CABLES1: variants seen among roughly 807,000 people sequenced by gnomAD.
CABLES1 encodes the protein CDK5 and ABL1 enzyme substrate 1.
In CABLES1, 36 loss-of-function variants were observed where a neutral mutation model predicts 57.8. The observed-to-expected ratio is 0.62, with a 90% CI of 0.48 to 0.82. The LOEUF (loss-of-function observed/expected upper bound fraction) is 0.82, where lower values mean the gene tolerates loss of function less well. Ranked by LOEUF, CABLES1 falls within the 40% of genes least tolerant of loss-of-function variation. The pLI is 0.00. For synonymous variants in CABLES1, 374 were observed against 363.0 expected (o/e 1.03, Z -0.35); for missense variants, 767 against 836.6 (o/e 0.92, Z 1.03).
intron 7 of CABLES1, among the ~76,000 whole-genome samples, chr18:23,239,625 T>TG (rs2047685959): frequency 6.6e-6 from 1 of 152,182 alleles, no homozygotes; most frequent in Admixed American, 6.5e-5. Flanking sequence ...TTTTGTGTGT[T>TG]GGGGAACAGG....
intron 4 of CABLES1, among the ~76,000 whole-genome samples, chr18:23,225,187 CT>C (rs1325630125): frequency 6.6e-6 from 1 of 152,186 alleles, no homozygotes; most frequent in Non-Finnish European, 1.5e-5. Context: ...TATTATGTTG[CT>C]CTTTCTAGAT....
In CABLES1 at chr18:23,174,681, C is replaced by T. The variant is rs183149716; in HGVS notation, c.846-14157C>T. 4.2e-4 allele frequency among the ~76,000 whole-genome samples: 64 copies of T among 151,652 alleles called. 1 individual carries two copies. In the East Asian group the frequency reaches 0.011, roughly 27 times the overall value. ...TAGAGACAGGATTTCACCATGTTAG[C>T]CAGGATGGTGTCGATCTCCTGACCT... On this transcript the variant is annotated intron_variant, in intron 1 of 9. Coordinates refer to ENST00000256925, the MANE Select transcript of CABLES1 (RefSeq NM_001100619.3).
intron 7 of CABLES1, among the ~76,000 whole-genome samples, chr18:23,241,569 G>A (rs149330092): frequency 6.6e-6 from 1 of 152,298 alleles, no homozygotes; most frequent in African/African-American, 2.4e-5. Flanking sequence ...ATAAGATGTA[G>A]TACAGTTTGT....
At chr18:23,196,687 G>A (rs11082321) in intron 3 of CABLES1, among the ~76,000 whole-genome samples, 21,245 of 152,186 alleles carry the variant, frequency 0.14, 2,123 homozygotes, top group Admixed American at 0.27. Flanking sequence ...TCTGGTCATG[G>A]TCTCAGAGGG....
In CABLES1 at chr18:23,180,224, A is replaced by C. The variant is rs183593312; in HGVS notation, c.846-8614A>C. The stretch of plus-strand genomic sequence containing the variant: ...GCATGAGCCACCGCGCCTGGCCAAC[A>C]GTTTGTTTTTTTTAAGTGAGCGCAG... On this transcript the variant is annotated intron_variant, in intron 1 of 9. Coordinates refer to ENST00000256925, the MANE Select transcript of CABLES1 (RefSeq NM_001100619.3). 3.9e-5 allele frequency among the ~76,000 whole-genome samples: 6 copies of C among 152,212 alleles called. No individual in the cohort carries two copies. In the East Asian group the frequency reaches 1.2e-3, roughly 29 times the overall value.
At chr18:23,167,723 G>T (rs1448264837) in intron 1 of CABLES1, among the ~76,000 whole-genome samples, 1 of 142,748 alleles carries the variant, frequency 7.0e-6, no homozygotes, top group Non-Finnish European at 1.5e-5. Flanking sequence ...GAGGCCATGG[G>T]AGCAAGGAGG....
At chr18:23,138,388 C>T (rs57873488) in intron 1 of CABLES1, among the ~76,000 whole-genome samples, 8,234 of 152,264 alleles carry the variant, frequency 0.054, 275 homozygotes, top group South Asian at 0.11. Context: ...GAATTAATCA[C>T]TGGAAGATGC....
intron 1 of CABLES1, 95 bp downstream of exon 1, chr18:23,136,702 C>T: frequency 1.2e-6 from 1 of 822,272 alleles, no homozygotes; most frequent in Admixed American, 4.0e-5. Context: ...ACGGGTTGCT[C>T]CCATTTTCCC....
At chr18:23,143,882 A>G (rs959932449) in intron 1 of CABLES1, among the ~76,000 whole-genome samples, 6 of 152,274 alleles carry the variant, frequency 3.9e-5, no homozygotes, top group African/African-American at 1.4e-4. Context: ...TGATCCTGCC[A>G]GTCTTAAATT....
intron 1 of CABLES1, among the ~76,000 whole-genome samples, chr18:23,187,559 G>A (rs1161465909): frequency 6.6e-6 from 1 of 152,162 alleles, no homozygotes; most frequent in Non-Finnish European, 1.5e-5. Flanking sequence ...GCTAATTTTT[G>A]TATTTTTAGT....
chr18:23,225,511 C>T (rs763642339), intron 4 of CABLES1, among the ~76,000 whole-genome samples: 5 of 151,610 alleles, frequency 3.3e-5, no homozygotes, highest in Non-Finnish European at 7.4e-5. Context: ...CTTGCTAAAT[C>T]CTACCTTTCA....
At chr18:23,236,985 T>C (rs533409653) in intron 6 of CABLES1, among the ~76,000 whole-genome samples, 157 bp from the exon 7 acceptor site, 34 of 152,156 alleles carry the variant, frequency 2.2e-4, no homozygotes, top group Non-Finnish European at 3.8e-4. Context: ...CACACGGAGA[T>C]GTCTAATAAA....
chr18:23,175,235 A>G (rs545915974), intron 1 of CABLES1, among the ~76,000 whole-genome samples: 13 of 152,334 alleles, frequency 8.5e-5, no homozygotes, highest in Non-Finnish European at 1.8e-4. Flanking sequence ...TTGAGATATA[A>G]GTCAATATTA....
chr18:23,241,368 T>G (rs577521432), intron 7 of CABLES1, among the ~76,000 whole-genome samples: 2 of 152,148 alleles, frequency 1.3e-5, no homozygotes, highest in African/African-American at 4.8e-5. Flanking sequence ...CTGTCTCTAC[T>G]AAAAATACAA....
chr18:23,150,030 C>CT (rs1433790333), intron 1 of CABLES1: 4 of 152,184 alleles, frequency 2.6e-5, no homozygotes, highest in Non-Finnish European at 5.9e-5. Context: ...CTCGCCACTC[C>CT]TTTTCTGTCC....
At chr18:23,167,186 T>A (rs2047048700) in intron 1 of CABLES1, among the ~76,000 whole-genome samples, 1 of 152,186 alleles carries the variant, frequency 6.6e-6, no homozygotes, top group Non-Finnish European at 1.5e-5. Flanking sequence ...GCTTAATGGT[T>A]ATTTCAATTC....
intron 4 of CABLES1, among the ~76,000 whole-genome samples, chr18:23,217,754 T>C (rs1598835431): frequency 6.6e-6 from 1 of 152,376 alleles, no homozygotes; most frequent in East Asian, 1.9e-4. Context: ...TCAGTTCATG[T>C]ACATATTAAC....
rs552951565 is a variant in CABLES1, at chr18:23,176,436, G to A, written c.846-12402G>A. On this transcript the variant is annotated intron_variant, in intron 1 of 9. Transcript: ENST00000256925. ...GCCCGCCACTTGCCTGCTACTGTGT[G>A]GCCCCCATTCCTAATAGGCCGTAAG... 6.6e-5 allele frequency among the ~76,000 whole-genome samples: 10 copies of A among 152,236 alleles called. 2 individuals are homozygous for A. The South Asian group carries it at 2.1e-3, about 32-fold the overall frequency.
chr18:23,173,437 AT>A (rs2047098021), intron 1 of CABLES1, among the ~76,000 whole-genome samples: 2 of 152,196 alleles, frequency 1.3e-5, no homozygotes, highest in South Asian at 4.1e-4. Context: ...GTAAAAGGAA[AT>A]TGAACCAGAT....
Sources: gnomAD v4.1 joint callset for allele counts (sites outside exome capture counted in the v4.1 genomes callset) on GRCh38, gnomAD v4.1.1 for gene constraint, MANE v1.5 for transcripts, NCBI Gene and HGNC (gene_info 2026-07-23, HGNC 2026-07-21) for gene names.